The following BRD1 variants were observed in gnomAD, a reference collection of about 807,000 sequenced individuals.
BRD1 encodes the protein bromodomain containing 1.
Under a neutral mutation model 107.7 loss-of-function variants are expected in BRD1, and 24 were observed. The observed-to-expected ratio is 0.22, with a 90% CI of 0.16 to 0.31. The LOEUF is 0.31. BRD1 is among the 10% of genes least tolerant of loss of function. The probability of loss-of-function intolerance (pLI) is 1.00; values close to 1 mark genes in which losing one functional copy is unlikely to be tolerated. For missense variants in BRD1, 1,279 were observed against 1,638.6 expected (o/e 0.78, Z 3.79); for synonymous variants, 744 against 686.1 (o/e 1.08, Z -1.32).
rs537512497 is a variant in BRD1, at chr22:49,795,786, G to A, written c.2099-1492C>T. Among the ~76,000 whole-genome samples, 104 of 152,322 alleles carry A rather than the reference G, an allele frequency of 6.8e-4. No homozygotes were observed. The South Asian group carries it at 0.02, about 29-fold the overall frequency. On this transcript the variant is annotated intron_variant, in intron 6 of 12. Coordinates refer to ENST00000404760, the MANE Select transcript of BRD1 (RefSeq NM_001304808.3). ...TGGGAGGCGGGGGAAGCTTTCCCAC[G>A]GTCACCAGAGGCTAGAGAAGGACCT...
intron 2 of BRD1, among the ~76,000 whole-genome samples, chr22:49,815,995 G>A (rs1276497163): frequency 2.0e-5 from 3 of 151,694 alleles, no homozygotes; most frequent in Non-Finnish European, 2.9e-5. Flanking sequence ...CACACTGCCC[G>A]GGAGGCACCC....
At chr22:49,780,543 G>A (rs2059187045) in intron 8 of BRD1, among the ~76,000 whole-genome samples, 1 of 152,084 alleles carries the variant, frequency 6.6e-6, no homozygotes, top group Non-Finnish European at 1.5e-5. Context: ...GGTCACCCAG[G>A]AAGCCAAGAA....
rs116823276 is a variant in BRD1 at position 49,814,397 on chromosome 22, G to A, written c.1367+8554C>T. Among the ~76,000 whole-genome samples, 1,279 of 152,242 alleles carry A rather than the reference G, an allele frequency of 8.4e-3. 17 individuals are homozygous for A. Among genetic ancestry groups the A allele is most frequent in the African/African-American group, 0.029 (1,213 of 41,536 alleles). ...GCTCAGGAAACACATGAGACCAGCC[G>A]GCCAGAGCCCTGAATCTCACCTCAG... On this transcript the variant is annotated intron_variant, in intron 2 of 12. Coordinates refer to ENST00000404760, the MANE Select transcript of BRD1 (RefSeq NM_001304808.3).
intron 11 of BRD1, 136 bp downstream of exon 11, chr22:49,775,914 T>A: frequency 1.2e-6 from 1 of 833,156 alleles, no homozygotes. Flanking sequence ...TGTGTGAACC[T>A]CCTCTGACCA....
chr22:49,826,281 G>T lies in BRD1; in HGVS notation c.-15+1216C>A, dbSNP rs1372351802. On this transcript the variant is annotated intron_variant, in intron 1 of 12. Coordinates refer to ENST00000404760, the MANE Select transcript of BRD1 (RefSeq NM_001304808.3). ...CTCTTCATCGCAACACTTTCTACAA[G>T]GGGAGAACTGAACCGAAGGCTTCAC... The T allele has an allele frequency of 3.0e-6, 3 of 984,554 alleles. No individual in the cohort carries two copies. In the African/African-American group the frequency reaches 5.2e-5, roughly 17 times the overall value. 61.0% of individuals were successfully genotyped at this position (984,554 alleles called of 1,614,324 possible).
In BRD1 at chr22:49,789,736, A is replaced by G. The variant is rs568387937; in HGVS notation, c.2360-1849T>C. On this transcript the variant is annotated intron_variant, in intron 7 of 12. Coordinates refer to ENST00000404760, the MANE Select transcript of BRD1 (RefSeq NM_001304808.3). Reference sequence around the variant, plus strand: ...TATCTAACGGGCACCGTAAACCCCCATCTCCTGCTTCTGGTGCAACCCTCA... The same window carrying G: ...TATCTAACGGGCACCGTAAACCCCCGTCTCCTGCTTCTGGTGCAACCCTCA... 4.6e-5 allele frequency among the ~76,000 whole-genome samples: 7 copies of G among 151,878 alleles called. No homozygotes were observed. In the South Asian group the frequency reaches 1.3e-3, roughly 27 times the overall value.
intron 7 of BRD1, among the ~76,000 whole-genome samples, chr22:49,789,419 C>G (rs767983677): frequency 6.6e-6 from 1 of 152,170 alleles, no homozygotes; most frequent in Non-Finnish European, 1.5e-5. Flanking sequence ...AGCGTCCTGA[C>G]GCAGCTGGTG....
At chr22:49,817,626 C>T (rs572755108) in intron 2 of BRD1, 1 of 225,180 alleles carries the variant, frequency 4.4e-6, no homozygotes, top group South Asian at 8.6e-5. Context: ...TCTCTGTAGG[C>T]TCACCACTAA....
chr22:49,779,250 C>A (rs2059157926), intron 8 of BRD1, among the ~76,000 whole-genome samples: 1 of 152,172 alleles, frequency 6.6e-6, no homozygotes, highest in Non-Finnish European at 1.5e-5. Flanking sequence ...GGATTTTCCA[C>A]CCGCTTCGTA....
chr22:49,776,216 GC>G lies in BRD1; in HGVS notation c.3122-58del, dbSNP rs781095199. On this transcript the variant is annotated intron_variant, in intron 10 of 12. Coordinates refer to ENST00000404760, the MANE Select transcript of BRD1 (RefSeq NM_001304808.3). ...GTCAGCAGGACACGGGGCACGCCCC[GC>G]CCCCCCACAAAAGGTGCAGCAACAG... The G allele has an allele frequency of 7.6e-5, 112 of 1,475,546 alleles. No homozygotes were observed. In the African/African-American group the frequency reaches 1.3e-3, roughly 17 times the overall value. The allele number at this position is 1,475,546 out of a possible 1,614,324, so 91.4% of individuals were successfully genotyped here. A position where few individuals can be genotyped will look rare whatever the true frequency, so the allele number is the denominator to read the frequency against.
intron 7 of BRD1, among the ~76,000 whole-genome samples, chr22:49,789,298 G>C (rs141247997): frequency 0.011 from 1,661 of 152,308 alleles, 16 homozygotes; most frequent in Middle Eastern, 0.02. Context: ...AAACACCTGG[G>C]AACACTGGCC....
chr22:49,810,756 C>T (rs772604569), intron 2 of BRD1, among the ~76,000 whole-genome samples: 10 of 152,352 alleles, frequency 6.6e-5, no homozygotes, highest in Admixed American at 5.2e-4. Flanking sequence ...CGAGCGATCG[C>T]TGCCCCTGCA....
intron 8 of BRD1, among the ~76,000 whole-genome samples, chr22:49,779,564 G>A (rs1236562383): frequency 6.6e-6 from 1 of 152,104 alleles, no homozygotes; most frequent in Non-Finnish European, 1.5e-5. Flanking sequence ...CCAGTTGGGG[G>A]TGTCATACTC....
chr22:49,806,414 G>A (rs1201341745), intron 2 of BRD1: 2 of 152,222 alleles, frequency 1.3e-5, no homozygotes, highest in African/African-American at 4.8e-5. Flanking sequence ...GGGAGGCTGA[G>A]GGAGCTCATG....
At chr22:49,796,547 G>A (rs935332683) in intron 6 of BRD1, among the ~76,000 whole-genome samples, 7 of 151,570 alleles carry the variant, frequency 4.6e-5, no homozygotes, top group Non-Finnish European at 8.8e-5. Flanking sequence ...CAGTAGAAAC[G>A]GGGTTTCTGC....
chr22:49,782,737 T>G (rs889370526), intron 8 of BRD1, among the ~76,000 whole-genome samples: 9 of 121,714 alleles, frequency 7.4e-5, no homozygotes, highest in African/African-American at 2.9e-4. Flanking sequence ...ACTTGCTCTG[T>G]GACAATGCCG....
rs768257389 is a variant in BRD1, at chr22:49,824,238, G to A, written c.80C>T (p.Thr27Met). ...SSPCSVKHSP[T>M]RETLTYAQAQ... Reference sequence around the variant, plus strand: ...TTGAGCGTAGGTCAGCGTTTCTCGCGTAGGGGAGTGTTTAACACTGCATGG... The same window carrying A: ...TTGAGCGTAGGTCAGCGTTTCTCGCATAGGGGAGTGTTTAACACTGCATGG... Residue 27 changes from threonine (T) to methionine (M), a missense_variant, in exon 2 of 13, where the codon ACG (threonine) becomes ATG (methionine). This residue lies in a region of BRD1 where 223 missense variants were observed against 263.5 expected (regional missense o/e 0.85). Coordinates refer to ENST00000404760, the MANE Select transcript of BRD1 (RefSeq NM_001304808.3). The surrounding 1 kb of genome is among the most constrained non-coding windows in gnomAD (Gnocchi z 5.9). 1.5e-5 allele frequency: 24 copies of A among 1,613,880 alleles called. No individual in the cohort carries two copies. The highest frequency in any genetic ancestry group is 1.9e-5 in the Non-Finnish European group (22 of 1,180,038).
At chr22:49,777,246 C>T (rs1030340199) in intron 9 of BRD1, 85 bp from the exon 10 acceptor site, 4 of 1,572,768 alleles carry the variant, frequency 2.5e-6, no homozygotes, top group Non-Finnish European at 3.4e-6. Context: ...CTGTCCGCCA[C>T]CAAGCTGGCC....
chr22:49,796,676 A>C (rs2059538371), intron 6 of BRD1, among the ~76,000 whole-genome samples: 1 of 152,244 alleles, frequency 6.6e-6, no homozygotes, highest in South Asian at 2.1e-4. Flanking sequence ...AGTCTTTAAA[A>C]GAGTACAGCC....
Sources: allele counts gnomAD v4.1 joint callset (sites outside exome capture counted in the v4.1 genomes callset), GRCh38; gene constraint gnomAD v4.1.1; regional missense constraint gnomAD v4.1.1; non-coding constraint Gnocchi (gnomAD v3.1); transcripts MANE v1.5; gene names NCBI Gene and HGNC (gene_info 2026-07-23, HGNC 2026-07-21).